Variants in HERC4 observed in about 807,000 individuals in gnomAD.
The protein encoded by HERC4 is probable E3 ubiquitin-protein ligase HERC4.
A neutral mutation model predicts 124.3 loss-of-function variants in HERC4; 28 were observed. The observed-to-expected ratio is 0.23, with a 90% CI of 0.17 to 0.31. The LOEUF is 0.31. HERC4 is among the 10% of genes least tolerant of loss of function. The pLI is 1.00. For synonymous variants in HERC4, 407 were observed against 421.5 expected (o/e 0.97, Z 0.42); for missense variants, 713 against 1,229.3 (o/e 0.58, Z 6.28).
chr10:67,984,740 G>A (rs2036161921), intron 15 of HERC4, among the ~76,000 whole-genome samples: 1 of 151,964 alleles, frequency 6.6e-6, no homozygotes, highest in African/African-American at 2.4e-5. Flanking sequence ...GTGCCACCAC[G>A]CTCAATTAAT....
At chr10:67,935,581 G>C (rs1011445635) in intron 22 of HERC4, among the ~76,000 whole-genome samples, 2 of 152,190 alleles carry the variant, frequency 1.3e-5, no homozygotes, top group Non-Finnish European at 2.9e-5. Flanking sequence ...CTGTGGCAGT[G>C]TCCAGGTGTC....
At chr10:67,987,461 A>C (rs2036326042) in intron 15 of HERC4, among the ~76,000 whole-genome samples, 1 of 152,134 alleles carries the variant, frequency 6.6e-6, no homozygotes, top group Non-Finnish European at 1.5e-5. Context: ...GAAAAGAAAC[A>C]ATCTAATTAA....
chr10:68,070,673 T>C (rs1247831112), intron 3 of HERC4: 1 of 152,034 alleles, frequency 6.6e-6, no homozygotes, highest in Non-Finnish European at 1.5e-5. Flanking sequence ...GATTAAAAGA[T>C]GAAGTTCCTA....
chr10:68,066,814 T>C (rs992470862), intron 3 of HERC4, among the ~76,000 whole-genome samples: 55 of 152,180 alleles, frequency 3.6e-4, no homozygotes, highest in African/African-American at 1.2e-3. Context: ...TCAAATATTC[T>C]TCATACCACA....
chr10:67,927,430 A>AATTTT (rs1295813582), intron 23 of HERC4, among the ~76,000 whole-genome samples: 5 of 37,926 alleles, frequency 1.3e-4, no homozygotes, highest in African/African-American at 2.9e-4. Flanking sequence ...ATATATATAT[A>AATTTT]TTTTTTTTTT....
intron 16 of HERC4, among the ~76,000 whole-genome samples, chr10:67,957,970 G>T (rs1161072861): frequency 2.0e-5 from 3 of 152,032 alleles, no homozygotes; most frequent in African/African-American, 4.8e-5. Context: ...ACCACACCCG[G>T]CTAATTTTTT....
Position 67,923,081 on chromosome 10 carries a change from G to A in HERC4, c.3000C>T (p.Val1000=). The change falls in exon 25 of 25, where the codon GTC becomes GTT. Residue 1000 remains valine, a synonymous_variant. Transcript: ENST00000373700. ...CCTCACCACCTCCTGTGGACTGGAT[G>A]ACTAGTTTCAGACTCTTCATACCAA... ...PILGMKSLKL[V]IQSTGGGEEY... 1 of 1,613,870 alleles carries A rather than the reference G, an allele frequency of 6.2e-7. No individual in the cohort carries two copies. Among genetic ancestry groups the A allele is most frequent in the South Asian group, 1.1e-5 (1 of 91,056 alleles).
chr10:67,961,967 A>G (rs2132391688), intron 16 of HERC4, among the ~76,000 whole-genome samples: 1 of 152,234 alleles, frequency 6.6e-6, no homozygotes, highest in African/African-American at 2.4e-5. Context: ...AAAACCTTTC[A>G]GATTACACTC....
chr10:67,957,810 GCATT>G (rs2034240949), intron 16 of HERC4, among the ~76,000 whole-genome samples: 1 of 151,980 alleles, frequency 6.6e-6, no homozygotes, highest in African/African-American at 2.4e-5. Context: ...GTCTGAATCT[GCATT>G]TTTTTTTCCC....
chr10:68,064,895 C>T (rs2041223809), intron 3 of HERC4, among the ~76,000 whole-genome samples: 1 of 151,572 alleles, frequency 6.6e-6, no homozygotes, highest in African/African-American at 2.4e-5. Context: ...TCGCTTGAAT[C>T]CAGGAGGCAG....
chr10:67,964,057 T>G (rs2034698392), intron 16 of HERC4, among the ~76,000 whole-genome samples: 1 of 149,094 alleles, frequency 6.7e-6, no homozygotes, highest in Non-Finnish European at 1.5e-5. Context: ...TTTTCTTTCT[T>G]AAAAAATTAT....
chr10:67,952,389 T>C (rs1388653923), intron 19 of HERC4, among the ~76,000 whole-genome samples: 1 of 151,984 alleles, frequency 6.6e-6, no homozygotes, highest in Non-Finnish European at 1.5e-5. Context: ...GTTCAAGCGA[T>C]TCTCCTGCCT....
chr10:67,962,288 G>C (rs2034576090), intron 16 of HERC4, among the ~76,000 whole-genome samples: 1 of 151,314 alleles, frequency 6.6e-6, no homozygotes, highest in Non-Finnish European at 1.5e-5. Flanking sequence ...TATACCAAGG[G>C]AGTTTATAGT....
In HERC4 at chr10:68,010,708, C is replaced by G. The variant is rs1182461748; in HGVS notation, c.1069+3318G>C. ...GCTTACACATGTTCTTGAAGCTAAGCTGTTGAGCCTCAAAGAGGCAGATGG... is the reference window on the plus strand; with the variant it reads ...GCTTACACATGTTCTTGAAGCTAAGGTGTTGAGCCTCAAAGAGGCAGATGG... On this transcript the variant is annotated intron_variant, in intron 9 of 24. Transcript: ENST00000373700. 19 of 1,483,114 alleles carry G rather than the reference C, an allele frequency of 1.3e-5. No individual in the cohort carries two copies. The Admixed American group carries it at 3.6e-4, about 28-fold the overall frequency. The allele number at this position is 1,483,114 out of a possible 1,614,324, so 91.9% of individuals were successfully genotyped here.
At chr10:67,986,334 T>C (rs2036257819) in intron 15 of HERC4, among the ~76,000 whole-genome samples, 1 of 152,216 alleles carries the variant, frequency 6.6e-6, no homozygotes, top group South Asian at 2.1e-4. Flanking sequence ...CTTATGAATA[T>C]ATAATAACTT....
At chr10:68,063,515 AC>A (rs1253052180) in intron 3 of HERC4, among the ~76,000 whole-genome samples, 2 of 152,172 alleles carry the variant, frequency 1.3e-5, no homozygotes, top group Non-Finnish European at 2.9e-5. Context: ...GCCTTGTCAT[AC>A]ATTTTAAAAA....
At chr10:67,989,874 C>T (rs915383016) in intron 14 of HERC4, among the ~76,000 whole-genome samples, 2 of 151,818 alleles carry the variant, frequency 1.3e-5, no homozygotes, top group African/African-American at 4.8e-5. Flanking sequence ...CATGTTTGTT[C>T]AGTTTTAATT....
chr10:67,998,113 G>A (rs1307048041), intron 9 of HERC4, among the ~76,000 whole-genome samples: 1 of 151,862 alleles, frequency 6.6e-6, no homozygotes, highest in Non-Finnish European at 1.5e-5. Context: ...TGGCCAGGAT[G>A]GTCTTGATCT....
intron 7 of HERC4, among the ~76,000 whole-genome samples, chr10:68,029,402 G>T (rs2039073521): frequency 1.3e-5 from 2 of 152,018 alleles, no homozygotes; most frequent in South Asian, 4.1e-4. Context: ...TGAGGCAGGA[G>T]AATCACTTGA....
Sources: allele counts gnomAD v4.1 joint callset (sites outside exome capture counted in the v4.1 genomes callset), GRCh38; gene constraint gnomAD v4.1.1; transcripts MANE v1.5; gene names NCBI Gene and HGNC (gene_info 2026-07-23, HGNC 2026-07-21).